ULK4: variants seen among roughly 807,000 people sequenced by gnomAD.
ULK4 encodes the protein inactive serine/threonine-protein kinase ULK4.
Under a neutral mutation model 160.6 loss-of-function variants are expected in ULK4, and 133 were observed. That is an observed-to-expected ratio of 0.83 (90% CI 0.72 to 0.96). The LOEUF (loss-of-function observed/expected upper bound fraction) is 0.96. ULK4 is among the 40% of genes least tolerant of loss of function. The pLI, the probability that ULK4 is intolerant of heterozygous loss-of-function variation, is 0.00. For missense variants in ULK4, 1,580 were observed against 1,499.5 expected, an observed-to-expected ratio of 1.05 and a Z score of -0.89; for synonymous variants, 534 against 539.8, an observed-to-expected ratio of 0.99 and a Z score of 0.15.
intron 35 of ULK4, among the ~76,000 whole-genome samples, chr3:41,283,378 A>C (rs1382239629): frequency 6.6e-6 from 1 of 152,196 alleles, no homozygotes; most frequent in East Asian, 1.9e-4. Flanking sequence ...TTCACAATAG[A>C]AAAGACTTAG....
chr3:41,876,484 A>G (rs1168832150), intron 17 of ULK4, among the ~76,000 whole-genome samples: 3 of 152,240 alleles, frequency 2.0e-5, no homozygotes, highest in African/African-American at 7.2e-5. Flanking sequence ...TTTAACTTAT[A>G]CAACCTTACT....
intron 30 of ULK4, among the ~76,000 whole-genome samples, chr3:41,649,771 C>T (rs1322410054): frequency 6.6e-6 from 1 of 152,232 alleles, no homozygotes; most frequent in Admixed American, 6.5e-5. Flanking sequence ...AGAAGGCAGA[C>T]AGGTTCCTGG....
At chr3:41,562,681 C>G (rs922197622) in intron 32 of ULK4, among the ~76,000 whole-genome samples, 1 of 152,054 alleles carries the variant, frequency 6.6e-6, no homozygotes, top group African/African-American at 2.4e-5. Context: ...GGGATTGTAA[C>G]CCCTGCTTTT....
rs191136673 is a variant in ULK4 at position 41,927,699 on chromosome 3, T to C, written c.541+4145A>G. Among the ~76,000 whole-genome samples the C allele has an allele frequency of 6.5e-3, 876 of 135,178 alleles. 10 individuals carry two copies. Among genetic ancestry groups the C allele is most frequent in the African/African-American group, 0.022 (816 of 36,868 alleles). 88.7% of individuals were successfully genotyped at this position (135,178 alleles called of 152,430 possible). On this transcript the variant is annotated intron_variant, in intron 5 of 36. Transcript: ENST00000301831. The stretch of plus-strand genomic sequence containing the variant: ...GCAAAAAAAAAAAAAAAAGCAGGGG[T>C]TGCAATCCTGATCTCTGATAAAACA...
chr3:41,805,678 G>A (rs2040620588), intron 19 of ULK4, among the ~76,000 whole-genome samples: 2 of 151,580 alleles, frequency 1.3e-5, no homozygotes, highest in South Asian at 4.2e-4. Context: ...AATTTATTGA[G>A]AGTTTTTAGC....
chr3:41,752,962 T>C (rs747585919), intron 22 of ULK4, among the ~76,000 whole-genome samples: 4 of 152,136 alleles, frequency 2.6e-5, no homozygotes, highest in Non-Finnish European at 1.5e-5. Context: ...CCTGTAATCC[T>C]AGCACTTTGG....
At position 41,294,653 on chromosome 3, in the gene ULK4, C is replaced by T. The variant is rs918829562; in HGVS notation, c.3679-45079G>A. On this transcript the variant is annotated intron_variant, in intron 35 of 36. Transcript: ENST00000301831. ...TTTGTCCAAACACACTGAACCAAAA[C>T]GTAAAGAAACAAGCCAAAAATGGCC... Among the ~76,000 whole-genome samples the T allele has an allele frequency of 2.6e-5, 4 of 152,186 alleles. No individual in the cohort carries two copies. The South Asian group carries it at 6.2e-4, about 24-fold the overall frequency.
chr3:41,595,851 A>C (rs1020520340), intron 31 of ULK4, among the ~76,000 whole-genome samples: 1 of 152,250 alleles, frequency 6.6e-6, no homozygotes, highest in Non-Finnish European at 1.5e-5. Context: ...AAGACAAAGA[A>C]AAGACAGTGC....
intron 27 of ULK4, among the ~76,000 whole-genome samples, chr3:41,697,121 C>G (rs1484038577): frequency 1.3e-5 from 2 of 152,238 alleles, no homozygotes; most frequent in Admixed American, 1.3e-4. Context: ...TGATTTGTTA[C>G]AGCAGCAACA....
intron 32 of ULK4, among the ~76,000 whole-genome samples, chr3:41,467,403 T>C (rs1355980406): frequency 6.6e-6 from 1 of 152,076 alleles, no homozygotes; most frequent in African/African-American, 2.4e-5. Flanking sequence ...TGGCACACAC[T>C]ATAATCCCAG....
chr3:41,686,443 C>T (rs557519088), intron 27 of ULK4, among the ~76,000 whole-genome samples: 1 of 151,950 alleles, frequency 6.6e-6, no homozygotes, highest in Non-Finnish European at 1.5e-5. Context: ...GATTTAGAGG[C>T]CTAAATTAGA....
intron 2 of ULK4, among the ~76,000 whole-genome samples, chr3:41,953,459 C>T (rs1015123677): frequency 3.3e-5 from 5 of 151,642 alleles, no homozygotes; most frequent in African/African-American, 9.7e-5. Context: ...TGCACTACCA[C>T]GCCCAGCTAA....
At chr3:41,284,950 C>T (rs2079429389) in intron 35 of ULK4, among the ~76,000 whole-genome samples, 1 of 151,960 alleles carries the variant, frequency 6.6e-6, no homozygotes, top group South Asian at 2.1e-4. Flanking sequence ...AGACAATTCT[C>T]AAAAGAAGAT....
intron 35 of ULK4, among the ~76,000 whole-genome samples, chr3:41,290,349 T>C (rs2079537377): frequency 6.6e-6 from 1 of 152,148 alleles, no homozygotes; most frequent in African/African-American, 2.4e-5. Context: ...ATGCAGAAAG[T>C]ATTATTATTA....
intron 34 of ULK4, among the ~76,000 whole-genome samples, chr3:41,403,934 G>T (rs1436370371): frequency 6.6e-6 from 1 of 151,852 alleles, no homozygotes. Flanking sequence ...TGATTCTATT[G>T]TTATTAGAGA....
In ULK4 at chr3:41,441,462, T is replaced by C. The variant is rs541032889; in HGVS notation, c.3492+14035A>G. ...GATCTTCCAAGTATCTTTTTTAAATTGGCTTTTAATTCCATTATGGTGAGT... is the reference window on the plus strand; with the variant it reads ...GATCTTCCAAGTATCTTTTTTAAATCGGCTTTTAATTCCATTATGGTGAGT... On this transcript the variant is annotated intron_variant, in intron 34 of 36. Transcript: ENST00000301831. 7.2e-5 allele frequency among the ~76,000 whole-genome samples: 11 copies of C among 152,216 alleles called. No homozygotes were observed. In the South Asian group the frequency reaches 1.7e-3, roughly 23 times the overall value.
At position 41,786,954 on chromosome 3, in the gene ULK4, T is replaced by C. The variant is rs151332108; in HGVS notation, c.2193+2707A>G. Among the ~76,000 whole-genome samples, 997 of 151,924 alleles carry C rather than the reference T, an allele frequency of 6.6e-3. 9 individuals carry two copies. Among genetic ancestry groups the C allele is most frequent in the African/African-American group, 0.023 (963 of 41,414 alleles). On this transcript the variant is annotated intron_variant, in intron 21 of 36. Coordinates refer to ENST00000301831, the MANE Select transcript of ULK4 (RefSeq NM_017886.4). ...ATATCCCAGATTGGGTGCTGAAAAA[T>C]CCAAGGGTCTAGAAGCACCAACAGG...
At chr3:41,387,283 T>C (rs1389255838) in intron 35 of ULK4, among the ~76,000 whole-genome samples, 1 of 152,132 alleles carries the variant, frequency 6.6e-6, no homozygotes, top group Non-Finnish European at 1.5e-5. Context: ...TCTTTGAAAC[T>C]ATTTTATTAT....
chr3:41,706,857 G>GTGTGTGTT (rs2036912690), intron 25 of ULK4, among the ~76,000 whole-genome samples: 1 of 126,420 alleles, frequency 7.9e-6, no homozygotes, highest in African/African-American at 3.7e-5. Context: ...ATATGTGTGT[G>GTGTGTGTT]TGTGTGTGTG....
Sources: gnomAD v4.1 joint callset for allele counts (sites outside exome capture counted in the v4.1 genomes callset) on GRCh38, gnomAD v4.1.1 for gene constraint, MANE v1.5 for transcripts, NCBI Gene and HGNC (gene_info 2026-07-23, HGNC 2026-07-21) for gene names.